Variants in DYRK3 observed in about 807,000 individuals in gnomAD.
DYRK3 encodes the protein dual specificity tyrosine phosphorylation regulated kinase 3, also known as dual specificity tyrosine-phosphorylation-regulated kinase 3.
A neutral mutation model predicts 40.8 loss-of-function variants in DYRK3; 30 were observed. That is an observed-to-expected ratio of 0.74 (90% CI 0.55 to 1.00). The LOEUF (loss-of-function observed/expected upper bound fraction) is 1.00. DYRK3 is among the 50% of genes least tolerant of loss of function. DYRK3 has a pLI of 0.00. For missense variants in DYRK3, 699 were observed against 731.5 expected (o/e 0.96, Z 0.51); for synonymous variants, 272 against 260.7 (o/e 1.04, Z -0.42).
Position 206,647,379 on chromosome 1 carries a change from C to G in DYRK3, c.190-9C>G. On this transcript the variant is annotated splice_polypyrimidine_tract_variant and intron_variant, in intron 2 of 2. Transcript: ENST00000367109. The stretch of plus-strand genomic sequence containing the variant: ...TTTTAATGACTTATATTCATTTTCT[C>G]TTTCATAGATGACCACTGAGCAGTT... The G allele has an allele frequency of 6.4e-7, 1 of 1,569,862 alleles. No homozygotes were observed. Among genetic ancestry groups the G allele is most frequent in the Non-Finnish European group, 8.6e-7 (1 of 1,159,866 alleles).
chr1:206,653,273 C>G lies in DYRK3; in HGVS notation c.*4308C>G, dbSNP rs1239252713. Among the ~76,000 whole-genome samples the G allele has an allele frequency of 5.9e-5, 9 of 152,188 alleles. No individual in the cohort carries two copies. Among genetic ancestry groups the G allele is most frequent in the Non-Finnish European group, 1.3e-4 (9 of 68,038 alleles). On this transcript the variant is annotated 3_prime_UTR_variant, in exon 3 of 3. Coordinates refer to ENST00000367109, the MANE Select transcript of DYRK3 (RefSeq NM_003582.4). The stretch of plus-strand genomic sequence containing the variant: ...GCTCAAGTGATCCATGTGCCTTACC[C>G]TCTCAAAGTGCTGGGATTATAGGTG...
chr1:206,652,187 A>G lies in DYRK3; in HGVS notation c.*3222A>G, dbSNP rs1352401232. Among the ~76,000 whole-genome samples the G allele has an allele frequency of 2.0e-5, 3 of 152,216 alleles. No homozygotes were observed. Among genetic ancestry groups the G allele is most frequent in the Admixed American group, 6.5e-5 (1 of 15,272 alleles). On this transcript the variant is annotated 3_prime_UTR_variant, in exon 3 of 3. Transcript: ENST00000367109. Reference sequence around the variant, plus strand: ...TGTTGTCCTGAATTTTCTAACTTGGAGAAATTTAAGGATCTCCTGCATTAT... The same window carrying G: ...TGTTGTCCTGAATTTTCTAACTTGGGGAAATTTAAGGATCTCCTGCATTAT...
chr1:206,635,801 C>G lies in DYRK3; in HGVS notation c.77+21C>G, dbSNP rs1553418205. On this transcript the variant is annotated intron_variant, in intron 1 of 2. Coordinates refer to ENST00000367109, the MANE Select transcript of DYRK3 (RefSeq NM_003582.4). ...CGGAGGTAACGGCGCCACGGGGTAACGGGCTGGAGGCGCCACAGGGAGCGG... is the reference window on the plus strand; with the variant it reads ...CGGAGGTAACGGCGCCACGGGGTAAGGGGCTGGAGGCGCCACAGGGAGCGG... 7 of 1,242,564 alleles carry G rather than the reference C, an allele frequency of 5.6e-6. No individual in the cohort carries two copies. In the South Asian group the frequency reaches 2.3e-4, roughly 41 times the overall value. 77.0% of individuals were successfully genotyped at this position (1,242,564 alleles called of 1,614,324 possible). A position where few individuals can be genotyped will look rare whatever the true frequency, so the allele number is the denominator to read the frequency against.
At position 206,648,887 on chromosome 1, in the gene DYRK3, T is replaced by C. The variant is rs781787559; in HGVS notation, c.1689T>C (p.Asn563=). 14 of 1,614,078 alleles carry C rather than the reference T, an allele frequency of 8.7e-6. No homozygotes were observed. The highest frequency in any genetic ancestry group is 1.2e-5 in the Non-Finnish European group (14 of 1,180,044). The change falls in exon 3 of 3, where the codon AAT becomes AAC. Residue 563 remains asparagine (N), a synonymous_variant. Transcript: ENST00000367109. ...TGCCTCCAGTTGTTGGAATAGCCAA[T>C]AAGCTTAAAGCTAACTTAATGTCAG... ...SKLPPVVGIA[N]KLKANLMSET...
rs2102348814 is a variant in DYRK3 at position 206,651,377 on chromosome 1, T to A, written c.*2412T>A. Among the ~76,000 whole-genome samples the A allele has an allele frequency of 6.6e-6, 1 of 152,362 alleles. No homozygotes were observed. Among genetic ancestry groups the A allele is most frequent in the East Asian group, 1.9e-4 (1 of 5,190 alleles). ...ATCATGGCCAGGAAGATGAAACACC[T>A]TGAGAAATGGGAACATCTCTTCACT... is the stretch of plus-strand genomic sequence containing the variant. On this transcript the variant is annotated 3_prime_UTR_variant, in exon 3 of 3. Transcript: ENST00000367109.
At chr1:206,641,544 G>A (rs1413810736) in intron 2 of DYRK3, among the ~76,000 whole-genome samples, 1 of 150,170 alleles carries the variant, frequency 6.7e-6, no homozygotes, top group Non-Finnish European at 1.5e-5. Flanking sequence ...TAATATGTGT[G>A]AACACTGTAG....
chr1:206,652,944 T>C lies in DYRK3; in HGVS notation c.*3979T>C, dbSNP rs907706608. On this transcript the variant is annotated 3_prime_UTR_variant, in exon 3 of 3. Transcript: ENST00000367109. ...TTACTGAGTTCTAAATTGACAAATT[T>C]TAATTTCCAAGTTGTTTCTGACACG... Among the ~76,000 whole-genome samples, 15 of 152,248 alleles carry C rather than the reference T, an allele frequency of 9.9e-5. No individual in the cohort carries two copies. The highest frequency in any genetic ancestry group is 3.4e-4 in the African/African-American group (14 of 41,480).
chr1:206,639,641 T>C (rs544018769), intron 2 of DYRK3, among the ~76,000 whole-genome samples: 30 of 152,032 alleles, frequency 2.0e-4, no homozygotes, highest in African/African-American at 7.2e-4. Flanking sequence ...TTTGTATTTT[T>C]AGTAGAGATG....
intron 2 of DYRK3, among the ~76,000 whole-genome samples, chr1:206,642,010 A>C (rs1217052333): frequency 6.6e-6 from 1 of 150,706 alleles, no homozygotes; most frequent in East Asian, 2.0e-4. Flanking sequence ...AATGGGAGAA[A>C]ATTTTTACAA....
Position 206,637,714 on chromosome 1 carries a change from A to C in DYRK3, c.142A>C (p.Asn48His). Reference sequence around the variant, plus strand: ...TGAAACCAAATGTCCCCCCTGTTCAAATGTACTCTGCAATCCTTCTGAACC... The same window carrying C: ...TGAAACCAAATGTCCCCCCTGTTCACATGTACTCTGCAATCCTTCTGAACC... Reference protein sequence around the residue: ...IDETKCPPCSNVLCNPSEPPP... With the variant: ...IDETKCPPCSHVLCNPSEPPP... Residue 48 changes from asparagine to histidine, a missense_variant, in exon 2 of 3, where the codon AAT (asparagine) becomes CAT (histidine). Coordinates refer to ENST00000367109, the MANE Select transcript of DYRK3 (RefSeq NM_003582.4). 6.2e-7 allele frequency: 1 copy of C among 1,614,116 alleles called. No homozygotes were observed. The highest frequency in any genetic ancestry group is 8.5e-7 in the Non-Finnish European group (1 of 1,179,998).
At position 206,647,785 on chromosome 1, in the gene DYRK3, C is replaced by T; in HGVS notation, c.587C>T (p.Ala196Val). 1 of 1,613,956 alleles carries T rather than the reference C, an allele frequency of 6.2e-7. No homozygotes were observed. Among genetic ancestry groups the T allele is most frequent in the Non-Finnish European group, 8.5e-7 (1 of 1,179,998 alleles). The change falls in exon 3 of 3, where the codon GCC (alanine) becomes GTC (valine). Residue 196 changes from alanine (A) to valine (V), a missense_variant. Transcript: ENST00000367109. ...GGAGGGTATGATGATGCAGATGGGG[C>T]CTATATTCATGTACCTCGAGACCAT... ...NNGGYDDADG[A>V]YIHVPRDHLA...
At position 206,653,681 on chromosome 1, in the gene DYRK3, A is replaced by G. The variant is rs539933747; in HGVS notation, c.*4716A>G. Among the ~76,000 whole-genome samples, 51 of 152,316 alleles carry G rather than the reference A, an allele frequency of 3.3e-4. No individual in the cohort carries two copies. The highest frequency in any genetic ancestry group is 1.2e-3 in the African/African-American group (50 of 41,556). ...TTTCTTCTGGTCCAGTGTTAGATAC[A>G]GTTACCTTGATAATAATGAAAAAAA... On this transcript the variant is annotated 3_prime_UTR_variant, in exon 3 of 3. Coordinates refer to ENST00000367109, the MANE Select transcript of DYRK3 (RefSeq NM_003582.4).
chr1:206,649,977 C>G lies in DYRK3; in HGVS notation c.*1012C>G, dbSNP rs1671590292. 6.6e-6 allele frequency among the ~76,000 whole-genome samples: 1 copy of G among 152,208 alleles called. No individual in the cohort carries two copies. Among genetic ancestry groups the G allele is most frequent in the South Asian group, 2.1e-4 (1 of 4,832 alleles). On this transcript the variant is annotated 3_prime_UTR_variant, in exon 3 of 3. Coordinates refer to ENST00000367109, the MANE Select transcript of DYRK3 (RefSeq NM_003582.4). ...TTAAGCTTAATGCTATTCCCTAGAT[C>G]TGAGTGAACTTCAGTTAGAAGAAGA...
chr1:206,644,143 T>C (rs1468673588), intron 2 of DYRK3, among the ~76,000 whole-genome samples: 2 of 151,056 alleles, frequency 1.3e-5, no homozygotes, highest in African/African-American at 4.9e-5. Context: ...CAAGCAATTC[T>C]TCTTCCTCAG....
intron 2 of DYRK3, among the ~76,000 whole-genome samples, chr1:206,643,819 A>G (rs1671355408): frequency 6.6e-6 from 1 of 152,104 alleles, no homozygotes; most frequent in African/African-American, 2.4e-5. Flanking sequence ...AGAAGAGAGA[A>G]AAGGGGAAGG....
chr1:206,643,779 G>A (rs1671354410), intron 2 of DYRK3, among the ~76,000 whole-genome samples: 2 of 152,158 alleles, frequency 1.3e-5, no homozygotes, highest in African/African-American at 4.8e-5. Context: ...GGGAGATCAG[G>A]CTGGAGAAAT....
intron 1 of DYRK3, 170 bp downstream of exon 1, chr1:206,635,950 C>G: frequency 1.5e-6 from 2 of 1,322,232 alleles, no homozygotes; most frequent in East Asian, 2.9e-5. Flanking sequence ...ATCAGGGCCC[C>G]CTCCCCCCAT....
At chr1:206,641,043 G>C (rs1671274843) in intron 2 of DYRK3, among the ~76,000 whole-genome samples, 1 of 151,844 alleles carries the variant, frequency 6.6e-6, no homozygotes, top group African/African-American at 2.4e-5. Context: ...TACATTGCTT[G>C]GTTATTGTGA....
chr1:206,635,649 G>A lies in DYRK3; in HGVS notation c.-55G>A. On this transcript the variant is annotated 5_prime_UTR_variant, in exon 1 of 3. Transcript: ENST00000367109. ...GCAGCCGTCCCGGCGTAGGTGGCGT[G>A]GCCGACCGGACCCCCAACTGGCGCC... The A allele has an allele frequency of 8.0e-7, 1 of 1,243,190 alleles. No individual in the cohort carries two copies. Among genetic ancestry groups the A allele is most frequent in the South Asian group, 4.0e-5 (1 of 24,926 alleles). 77.0% of individuals were successfully genotyped at this position (1,243,190 alleles called of 1,614,324 possible). A position where few individuals can be genotyped will look rare whatever the true frequency, so the allele number is the denominator to read the frequency against.
Sources: gnomAD v4.1 joint callset for allele counts (sites outside exome capture counted in the v4.1 genomes callset) on GRCh38, gnomAD v4.1.1 for gene constraint, MANE v1.5 for transcripts, NCBI Gene and HGNC (gene_info 2026-07-23, HGNC 2026-07-21) for gene names.